ZNF804A: variants seen among roughly 807,000 people sequenced by gnomAD.
ZNF804A encodes the protein zinc finger protein 804A.
A neutral mutation model predicts 16.5 loss-of-function variants in ZNF804A; 2 were observed. The ratio of observed to expected loss-of-function variants is 0.12; its 90% CI spans 0.05 to 0.38. The LOEUF (loss-of-function observed/expected upper bound fraction) is 0.38. Ranked by LOEUF, ZNF804A falls within the 10% of genes least tolerant of loss-of-function variation. The pLI, the probability that ZNF804A is intolerant of heterozygous loss-of-function variation, is 0.99. For synonymous variants in ZNF804A, 534 were observed against 489.6 expected (o/e 1.09, Z -1.20); for missense variants, 1,473 against 1,390.7 (o/e 1.06, Z -0.94).
Position 184,805,757 on chromosome 2 carries a change from T to C in ZNF804A, c.112-60612T>C, listed in dbSNP as rs150092219. Among the ~76,000 whole-genome samples, 74 of 152,116 alleles carry C rather than the reference T, an allele frequency of 4.9e-4. No individual in the cohort carries two copies. The East Asian group carries it at 0.012, about 24-fold the overall frequency. On this transcript the variant is annotated intron_variant, in intron 1 of 3. Transcript: ENST00000302277. ...GGAAACGTGCAAATATTTGAGGAGT[T>C]TGAGATTTTGACATTTATTAAAATG...
intron 2 of ZNF804A, among the ~76,000 whole-genome samples, chr2:184,923,408 C>T (rs1170483879): frequency 6.6e-6 from 1 of 151,808 alleles, no homozygotes; most frequent in Non-Finnish European, 1.5e-5. Flanking sequence ...TATCCTGAAA[C>T]TTTACTGAAT....
At chr2:184,655,406 C>T (rs1278452936) in intron 1 of ZNF804A, among the ~76,000 whole-genome samples, 1 of 152,042 alleles carries the variant, frequency 6.6e-6, no homozygotes, top group Non-Finnish European at 1.5e-5. Context: ...CTGTTTACAG[C>T]CCAAGATTAC....
In ZNF804A at chr2:184,936,562, A is replaced by G. The variant is rs151226103; in HGVS notation, c.1166A>G (p.Glu389Gly). The G allele has an allele frequency of 1.2e-6, 2 of 1,614,030 alleles. No individual in the cohort carries two copies. Among genetic ancestry groups the G allele is most frequent in the African/African-American group, 2.7e-5 (2 of 75,056 alleles). Reference sequence around the variant, plus strand: ...AAGCATAACGAGGCATCCACAACTGAGGTTGAAAATAAAAATGGTCCCGAG... The same window carrying G: ...AAGCATAACGAGGCATCCACAACTGGGGTTGAAAATAAAAATGGTCCCGAG... Reference protein sequence around the residue: ...NVKHNEASTTEVENKNGPETL... With the variant: ...NVKHNEASTTGVENKNGPETL... Residue 389 changes from glutamate to glycine, a missense_variant, in exon 4 of 4, where the codon GAG (glutamate) becomes GGG (glycine). Physicochemically the swap from Glu to Gly is moderately conservative, Grantham distance 98. Transcript: ENST00000302277.
intron 1 of ZNF804A, among the ~76,000 whole-genome samples, chr2:184,618,563 C>T (rs1048161719): frequency 9.2e-5 from 14 of 152,048 alleles, no homozygotes; most frequent in South Asian, 8.3e-4. Context: ...TACCATGGAA[C>T]GTTAGCATCC....
chr2:184,938,365 A>C lies in ZNF804A; in HGVS notation c.2969A>C (p.Glu990Ala). ...PQGKMNETPT[E>A]WLRYNSGILN... is the part of the protein sequence containing the mutation. ...GGAAAGATGAATGAGACACCAACTG[A>C]GTGGCTGCGTTATAATTCAGGAATC... The change falls in exon 4 of 4, where the codon GAG becomes GCG. Residue 990 changes from glutamate (E) to alanine (A), a missense_variant. Coordinates refer to ENST00000302277, the MANE Select transcript of ZNF804A (RefSeq NM_194250.2). The C allele has an allele frequency of 6.2e-7, 1 of 1,614,124 alleles. No homozygotes were observed. Among genetic ancestry groups the C allele is most frequent in the Middle Eastern group, 1.6e-4 (1 of 6,062 alleles).
chr2:184,632,707 T>G (rs188002687), intron 1 of ZNF804A, among the ~76,000 whole-genome samples: 1 of 152,338 alleles, frequency 6.6e-6, no homozygotes, highest in East Asian at 1.9e-4. Flanking sequence ...AGGCTCATAT[T>G]CAAATGAAAT....
At chr2:184,911,374 C>G (rs1412589265) in intron 2 of ZNF804A, among the ~76,000 whole-genome samples, 1 of 151,942 alleles carries the variant, frequency 6.6e-6, no homozygotes, top group Non-Finnish European at 1.5e-5. Flanking sequence ...TACTGAAGCC[C>G]TTACAGTATC....
At chr2:184,886,865 A>G (rs1684899161) in intron 2 of ZNF804A, among the ~76,000 whole-genome samples, 1 of 152,162 alleles carries the variant, frequency 6.6e-6, no homozygotes, top group Non-Finnish European at 1.5e-5. Context: ...CAGGCCTGTG[A>G]TGAGAGGGGC....
intron 1 of ZNF804A, among the ~76,000 whole-genome samples, chr2:184,672,286 A>G (rs1337332307): frequency 6.6e-6 from 1 of 152,206 alleles, no homozygotes; most frequent in Non-Finnish European, 1.5e-5. Flanking sequence ...AAGAAAAATG[A>G]GAAACTGTAG....
At position 184,692,808 on chromosome 2, in the gene ZNF804A, G is replaced by A. The variant is rs533677384; in HGVS notation, c.111+93738G>A. ...AATAACTACTATTTCATGGCATTTAGCCAGTATAAGTAGCAAGTAGGATTC... is the reference window on the plus strand; with the variant it reads ...AATAACTACTATTTCATGGCATTTAACCAGTATAAGTAGCAAGTAGGATTC... On this transcript the variant is annotated intron_variant, in intron 1 of 3. Coordinates refer to ENST00000302277, the MANE Select transcript of ZNF804A (RefSeq NM_194250.2). Among the ~76,000 whole-genome samples the A allele has an allele frequency of 1.8e-4, 28 of 152,136 alleles. No individual in the cohort carries two copies. In the East Asian group the frequency reaches 4.4e-3, roughly 24 times the overall value.
chr2:184,675,075 T>G (rs1428153022), intron 1 of ZNF804A, among the ~76,000 whole-genome samples: 2 of 151,786 alleles, frequency 1.3e-5, no homozygotes, highest in Non-Finnish European at 1.5e-5. Flanking sequence ...TACATGGATG[T>G]ATGTATTTAT....
At chr2:184,798,006 A>ATGTGTGTGTGTGTGTG (rs58199746) in intron 1 of ZNF804A, among the ~76,000 whole-genome samples, 7 of 133,256 alleles carry the variant, frequency 5.3e-5, no homozygotes, top group African/African-American at 1.1e-4. Context: ...TGGCTGATAT[A>ATGTGTGTGTGTGTGTG]TGTGTGTGTG....
chr2:184,817,164 A>G (rs1352319159), intron 1 of ZNF804A, among the ~76,000 whole-genome samples: 2 of 151,808 alleles, frequency 1.3e-5, no homozygotes, highest in East Asian at 3.9e-4. Flanking sequence ...GATAATCAGT[A>G]CCTTTCTGGG....
At chr2:184,851,990 G>A (rs901412493) in intron 1 of ZNF804A, among the ~76,000 whole-genome samples, 2 of 151,602 alleles carry the variant, frequency 1.3e-5, no homozygotes, top group Non-Finnish European at 3.0e-5. Flanking sequence ...GTCTTCTTCT[G>A]AAAAATGTCT....
intron 2 of ZNF804A, among the ~76,000 whole-genome samples, chr2:184,888,643 A>G (rs894494880): frequency 1.3e-5 from 2 of 152,178 alleles, no homozygotes; most frequent in Non-Finnish European, 2.9e-5. Context: ...TGGAGTCCAG[A>G]ACTACTCCTC....
chr2:184,898,470 T>C (rs566921738), intron 2 of ZNF804A, among the ~76,000 whole-genome samples: 53 of 152,228 alleles, frequency 3.5e-4, no homozygotes, highest in African/African-American at 1.3e-3. Flanking sequence ...CTATATTCAC[T>C]GCCTTTCCAG....
chr2:184,802,532 C>T (rs1694743728), intron 1 of ZNF804A, among the ~76,000 whole-genome samples: 2 of 152,174 alleles, frequency 1.3e-5, no homozygotes, highest in Admixed American at 6.5e-5. Flanking sequence ...TACCATTTAA[C>T]TGTTCATAAC....
chr2:184,792,969 A>ATT (rs1694573305), intron 1 of ZNF804A, among the ~76,000 whole-genome samples: 1 of 151,924 alleles, frequency 6.6e-6, no homozygotes, highest in African/African-American at 2.4e-5. Context: ...TTGTTCCCCA[A>ATT]TTTATGTACA....
intron 1 of ZNF804A, among the ~76,000 whole-genome samples, chr2:184,755,316 T>A (rs1216163038): frequency 6.6e-6 from 1 of 151,896 alleles, no homozygotes; most frequent in Non-Finnish European, 1.5e-5. Flanking sequence ...TTGGCCAACT[T>A]TCTATAATAT....
Sources: allele counts gnomAD v4.1 joint callset (sites outside exome capture counted in the v4.1 genomes callset), GRCh38; gene constraint gnomAD v4.1.1; transcripts MANE v1.5; gene names NCBI Gene and HGNC (gene_info 2026-07-23, HGNC 2026-07-21).